The following KIAA0825 variants were observed in gnomAD, a reference collection of about 807,000 sequenced individuals.
The protein encoded by KIAA0825 is KIAA0825, also known as uncharacterized protein KIAA0825.
KIAA0825 carries 119 observed loss-of-function variants against 147.6 expected under a neutral mutation model. The ratio of observed to expected loss-of-function variants is 0.81; its 90% confidence interval spans 0.69 to 0.94. The LOEUF is 0.94. KIAA0825 is among the 40% of genes least tolerant of loss of function. The pLI is 0.00. For synonymous variants in KIAA0825, 470 were observed against 518.1 expected (o/e 0.91, Z 1.26); for missense variants, 1,381 against 1,472.7 (o/e 0.94, Z 1.02).
chr5:94,154,011 T>C lies in KIAA0825; in HGVS notation c.3824A>G (p.Gln1275Arg). 6.5e-7 allele frequency: 1 copy of C among 1,546,118 alleles called. No individual in the cohort carries two copies. Among genetic ancestry groups the C allele is most frequent in the African/African-American group, 1.4e-5 (1 of 73,074 alleles). ...NSSASDNIEE[Q>R] ...GCTGTTGCTGTTTTCTGCAGATTAC[T>C]GTTCCTCTATGTTATCTGAGGCAGA... is the stretch of plus-strand genomic sequence containing the variant. Residue 1275 changes from glutamine (Q) to arginine (R), a missense_variant, in exon 21 of 21, where the codon CAG (glutamine) becomes CGG (arginine). By Grantham distance (43) the Gln-to-Arg change is conservative. Coordinates refer to ENST00000682413, the MANE Select transcript of KIAA0825 (RefSeq NM_001145678.3).
chr5:94,307,970 C>T (rs1778856175), intron 20 of KIAA0825, among the ~76,000 whole-genome samples: 2 of 151,588 alleles, frequency 1.3e-5, no homozygotes, highest in Admixed American at 1.3e-4. Context: ...TAATAAGCTA[C>T]TAAGAATAAA....
In KIAA0825 at chr5:94,205,355, G is replaced by A. The variant is rs952541049; in HGVS notation, c.3711-51231C>T. Reference sequence around the variant, plus strand: ...CTTGCTCTGTCACCCAGGATGGAGTGTTGTGGCGTGATCTCGGCTCACTGC... The same window carrying A: ...CTTGCTCTGTCACCCAGGATGGAGTATTGTGGCGTGATCTCGGCTCACTGC... On this transcript the variant is annotated intron_variant, in intron 20 of 20. Coordinates refer to ENST00000682413, the MANE Select transcript of KIAA0825 (RefSeq NM_001145678.3). Among the ~76,000 whole-genome samples the A allele has an allele frequency of 1.9e-4, 28 of 147,968 alleles. No homozygotes were observed. The East Asian group carries it at 5.2e-3, about 27-fold the overall frequency.
intron 20 of KIAA0825, among the ~76,000 whole-genome samples, chr5:94,301,389 T>A (rs1047648740): frequency 3.3e-5 from 5 of 150,750 alleles, no homozygotes; most frequent in African/African-American, 1.2e-4. Flanking sequence ...TAAATAAATA[T>A]ATATATATAT....
chr5:94,316,904 C>T (rs1259660191), intron 20 of KIAA0825, among the ~76,000 whole-genome samples: 3 of 151,802 alleles, frequency 2.0e-5, no homozygotes, highest in Admixed American at 2.0e-4. Flanking sequence ...ATTGGTTATA[C>T]ATCCTTTCAG....
intron 17 of KIAA0825, among the ~76,000 whole-genome samples, chr5:94,393,544 G>A (rs1051290731): frequency 6.6e-6 from 1 of 152,180 alleles, no homozygotes; most frequent in Non-Finnish European, 1.5e-5. Flanking sequence ...CTGGATGCAA[G>A]TGAAAGGAAT....
chr5:94,298,783 A>G (rs1562355988), intron 20 of KIAA0825, among the ~76,000 whole-genome samples: 1 of 152,204 alleles, frequency 6.6e-6, no homozygotes, highest in East Asian at 1.9e-4. Context: ...CCTTCCAAAA[A>G]GTAGCAGCAG....
intron 2 of KIAA0825, among the ~76,000 whole-genome samples, chr5:94,550,829 G>A (rs1255160692): frequency 4.1e-5 from 6 of 146,352 alleles, no homozygotes; most frequent in Admixed American, 1.4e-4. Flanking sequence ...GCGACAGAGC[G>A]AGACTCTATG....
chr5:94,246,108 C>T (rs993489551), intron 20 of KIAA0825, among the ~76,000 whole-genome samples: 3 of 152,096 alleles, frequency 2.0e-5, no homozygotes, highest in African/African-American at 4.8e-5. Context: ...AAAACAGACC[C>T]TGGGAACAAT....
At chr5:94,305,607 G>T (rs540862102) in intron 20 of KIAA0825, among the ~76,000 whole-genome samples, 2 of 152,022 alleles carry the variant, frequency 1.3e-5, no homozygotes, top group African/African-American at 4.8e-5. Flanking sequence ...AAATAATAAG[G>T]TGACTGCTTG....
chr5:94,377,902 C>T (rs989542730), intron 20 of KIAA0825, among the ~76,000 whole-genome samples: 2 of 152,154 alleles, frequency 1.3e-5, no homozygotes, highest in Non-Finnish European at 2.9e-5. Context: ...TTTCTACTTG[C>T]ATTTTTTGTA....
chr5:94,592,273 T>C (rs772145447), intron 1 of KIAA0825, among the ~76,000 whole-genome samples: 7 of 152,188 alleles, frequency 4.6e-5, no homozygotes, highest in Non-Finnish European at 8.8e-5. Flanking sequence ...GGTACAGGTA[T>C]TGGGTAAATA....
intron 7 of KIAA0825, among the ~76,000 whole-genome samples, chr5:94,476,441 G>C (rs1212769409): frequency 1.3e-5 from 2 of 152,156 alleles, no homozygotes; most frequent in East Asian, 3.9e-4. Context: ...AAGCAGACCT[G>C]CCAGGTAGAA....
At chr5:94,557,407 CT>C (rs77735800) in intron 2 of KIAA0825, among the ~76,000 whole-genome samples, 1,622 of 138,634 alleles carry the variant, frequency 0.012, 7 homozygotes, top group African/African-American at 0.023. Context: ...AGGCTCCTTT[CT>C]TTTTTTTTTT....
chr5:94,488,788 G>A (rs1409000325), intron 5 of KIAA0825, among the ~76,000 whole-genome samples: 1 of 152,084 alleles, frequency 6.6e-6, no homozygotes, highest in East Asian at 1.9e-4. Flanking sequence ...AATAAGCTTG[G>A]GAAATACTAC....
intron 20 of KIAA0825, among the ~76,000 whole-genome samples, chr5:94,306,152 G>T (rs1282111009): frequency 6.6e-6 from 1 of 151,468 alleles, no homozygotes; most frequent in East Asian, 1.9e-4. Context: ...CCACCTGACT[G>T]GTTTTTACAT....
chr5:94,205,267 T>TAATATA (rs1772046239), intron 20 of KIAA0825, among the ~76,000 whole-genome samples: 1 of 50,804 alleles, frequency 2.0e-5, no homozygotes, highest in Non-Finnish European at 4.3e-5. Context: ...GACTATTTAA[T>TAATATA]CATATATATA....
At position 94,391,609 on chromosome 5, in the gene KIAA0825, C is replaced by T; in HGVS notation, c.3382G>A (p.Val1128Ile). The T allele has an allele frequency of 6.4e-7, 1 of 1,551,604 alleles. No individual in the cohort carries two copies. Among genetic ancestry groups the T allele is most frequent in the Non-Finnish European group, 8.7e-7 (1 of 1,146,924 alleles). The change falls in exon 18 of 21, where the codon GTC becomes ATC. Residue 1128 changes from valine to isoleucine, a missense_variant. Transcript: ENST00000682413. ...CCTGGTTTGTGGCAGAGATCCAGGA[C>T]CATCGTGTTTATTTTCTGCTCAGTC... The part of the protein sequence containing the change: ...ELTEQKINTM[V>I]LDLCHKPGGR...
At chr5:94,384,655 A>AT (rs1240868202) in intron 19 of KIAA0825, among the ~76,000 whole-genome samples, 197 bp from the exon 20 acceptor site, 1 of 152,160 alleles carries the variant, frequency 6.6e-6, no homozygotes, top group Non-Finnish European at 1.5e-5. Context: ...TTATAAATCC[A>AT]TTTGGGGATG....
At chr5:94,238,048 GA>G (rs1005374956) in intron 20 of KIAA0825, among the ~76,000 whole-genome samples, 4 of 151,906 alleles carry the variant, frequency 2.6e-5, no homozygotes, top group African/African-American at 4.8e-5. Flanking sequence ...TTTCTCAGAA[GA>G]AAAAAAGAAC....
Sources: gnomAD v4.1 joint callset for allele counts (sites outside exome capture counted in the v4.1 genomes callset) on GRCh38, gnomAD v4.1.1 for gene constraint, MANE v1.5 for transcripts, NCBI Gene and HGNC (gene_info 2026-07-23, HGNC 2026-07-21) for gene names.